SHISA9: variants seen among roughly 807,000 people sequenced by gnomAD.
SHISA9 encodes protein shisa-9.
A neutral mutation model predicts 38.0 loss-of-function variants in SHISA9; 13 were observed. The ratio of observed to expected loss-of-function variants is 0.34; its 90% CI spans 0.22 to 0.54. The LOEUF is 0.54. Among genes scored for constraint, SHISA9 ranks in the 20% least tolerant of loss-of-function variants. The pLI is 0.91. For synonymous variants in SHISA9, 275 were observed against 242.0 expected (o/e 1.14, Z -1.27); for missense variants, 538 against 575.8 (o/e 0.93, Z 0.67).
At chr16:13,196,407 A>AAAAAAAAG (rs59400779) in intron 2 of SHISA9, among the ~76,000 whole-genome samples, 1 of 150,136 alleles carries the variant, frequency 6.7e-6, no homozygotes, top group African/African-American at 2.5e-5. Context: ...AAAAAAAAAA[A>AAAAAAAAG]AAAGAAAGAA....
chr16:13,148,623 C>A (rs1348521328), intron 2 of SHISA9, among the ~76,000 whole-genome samples: 1 of 151,744 alleles, frequency 6.6e-6, no homozygotes, highest in Non-Finnish European at 1.5e-5. Flanking sequence ...GCATACATCT[C>A]ATAGACACAC....
the SHISA9 span, among the ~76,000 whole-genome samples, chr16:13,411,101 A>AT: frequency 6.6e-6 from 1 of 152,236 alleles, no homozygotes; most frequent in Non-Finnish European, 1.5e-5. Context: ...ATGGGTTTTC[A>AT]TCCCATATCC....
At chr16:12,989,759 T>A (rs2072360289) in intron 2 of SHISA9, among the ~76,000 whole-genome samples, 1 of 152,140 alleles carries the variant, frequency 6.6e-6, no homozygotes, top group Admixed American at 6.5e-5. Flanking sequence ...GAACACACCA[T>A]GAATTGTTAT....
the SHISA9 span, among the ~76,000 whole-genome samples, chr16:13,372,478 A>G: frequency 6.6e-6 from 1 of 152,168 alleles, no homozygotes; most frequent in Admixed American, 6.5e-5. Context: ...CTAAAGCAAA[A>G]GGGATCATGG....
At chr16:13,055,571 G>A (rs1388394685) in intron 2 of SHISA9, among the ~76,000 whole-genome samples, 1 of 152,124 alleles carries the variant, frequency 6.6e-6, no homozygotes, top group Admixed American at 6.6e-5. Flanking sequence ...AATTCCAGGA[G>A]CACTGTAATG....
chr16:13,131,842 C>T (rs2141987736), intron 2 of SHISA9, among the ~76,000 whole-genome samples: 1 of 152,246 alleles, frequency 6.6e-6, no homozygotes, highest in East Asian at 1.9e-4. Flanking sequence ...TTTCTTGCTT[C>T]CTAAGATAAT....
chr16:13,330,601 G>T, the SHISA9 span, among the ~76,000 whole-genome samples: 1 of 152,090 alleles, frequency 6.6e-6, no homozygotes. Flanking sequence ...CTTTTATTTT[G>T]CTTTCCTCAC....
chr16:13,526,070 T>C, the SHISA9 span, among the ~76,000 whole-genome samples: 1 of 152,254 alleles, frequency 6.6e-6, no homozygotes, highest in African/African-American at 2.4e-5. Flanking sequence ...CTTTGAGAGC[T>C]CTTCCTAATA....
At chr16:13,484,449 G>A in the SHISA9 span, among the ~76,000 whole-genome samples, 1 of 152,114 alleles carries the variant, frequency 6.6e-6, no homozygotes, top group East Asian at 1.9e-4. Context: ...ATAACTGGTG[G>A]TCTTCCTCCT....
chr16:13,222,802 A>T (rs1206860441), intron 4 of SHISA9, among the ~76,000 whole-genome samples: 1 of 116,120 alleles, frequency 8.6e-6, no homozygotes, highest in African/African-American at 4.1e-5. Flanking sequence ...GTATATATAT[A>T]TATATATATA....
At chr16:13,198,013 C>G (rs988847193) in intron 2 of SHISA9, among the ~76,000 whole-genome samples, 1 of 152,092 alleles carries the variant, frequency 6.6e-6, no homozygotes, top group Non-Finnish European at 1.5e-5. Context: ...GGAGAAGCCC[C>G]TTCTCTACTA....
chr16:13,446,781 A>T, the SHISA9 span, among the ~76,000 whole-genome samples: 3 of 152,172 alleles, frequency 2.0e-5, no homozygotes, highest in South Asian at 4.2e-4. Flanking sequence ...GTTTGAGACC[A>T]GCCTGGCCAA....
chr16:13,284,220 A>C, the SHISA9 span, among the ~76,000 whole-genome samples: 1 of 152,158 alleles, frequency 6.6e-6, no homozygotes, highest in Non-Finnish European at 1.5e-5. Context: ...ATATAATCAC[A>C]GGACTTACCT....
chr16:13,490,350 A>G, the SHISA9 span, among the ~76,000 whole-genome samples: 1 of 152,072 alleles, frequency 6.6e-6, no homozygotes, highest in Non-Finnish European at 1.5e-5. Flanking sequence ...ATTGCCTGAG[A>G]CCAGCCTGGG....
the SHISA9 span, among the ~76,000 whole-genome samples, chr16:13,556,823 A>T: frequency 6.6e-6 from 1 of 152,208 alleles, no homozygotes; most frequent in Non-Finnish European, 1.5e-5. Flanking sequence ...TTTTTTCAAT[A>T]CAGTATAAAA....
intron 2 of SHISA9, among the ~76,000 whole-genome samples, chr16:12,944,393 A>T (rs192448058): frequency 6.9e-4 from 105 of 152,380 alleles, no homozygotes; most frequent in African/African-American, 2.4e-3. Context: ...GGTACTTGAC[A>T]GTCAGTCAAT....
Position 13,236,744 on chromosome 16 carries a change from A to C in SHISA9, c.*1335A>C, listed in dbSNP as rs963766072. 1 of 152,082 alleles carries C rather than the reference A, an allele frequency of 6.6e-6. No individual in the cohort carries two copies. Among genetic ancestry groups the C allele is most frequent in the Admixed American group, 6.6e-5 (1 of 15,264 alleles). 9.4% of individuals were successfully genotyped at this position (152,082 alleles called of 1,614,324 possible). A position where few individuals can be genotyped will look rare whatever the true frequency, so the allele number is the denominator to read the frequency against. ...ACAATGTCAGGGGTACCCAAGAACG[A>C]AGACCTCCCTACTCTCTACACTATC... is the stretch of plus-strand genomic sequence containing the variant. On this transcript the variant is annotated 3_prime_UTR_variant, in exon 5 of 5. Transcript: ENST00000558583.
chr16:13,336,517 C>T, the SHISA9 span, among the ~76,000 whole-genome samples: 111 of 152,292 alleles, frequency 7.3e-4, 1 homozygote, highest in South Asian at 8.5e-3. Context: ...GTAGAAAGCA[C>T]GTAGCAACCT....
intron 4 of SHISA9, among the ~76,000 whole-genome samples, chr16:13,230,189 G>A (rs2051318029): frequency 6.6e-6 from 1 of 152,138 alleles, no homozygotes; most frequent in Non-Finnish European, 1.5e-5. Context: ...ACCCCAGCAG[G>A]GCAGGAACCA....
Sources: gnomAD v4.1 joint callset for allele counts (sites outside exome capture counted in the v4.1 genomes callset) on GRCh38, gnomAD v4.1.1 for gene constraint, MANE v1.5 for transcripts, NCBI Gene and HGNC (gene_info 2026-07-23, HGNC 2026-07-21) for gene names.